The following FRAS1 variants were observed in gnomAD, a reference collection of about 807,000 sequenced individuals.
FRAS1 encodes extracellular matrix organizing protein FRAS1.
Under a neutral mutation model 435.2 loss-of-function variants are expected in FRAS1, and 290 were observed. That is an observed-to-expected ratio of 0.67 (90% CI 0.61 to 0.73). The LOEUF (loss-of-function observed/expected upper bound fraction) is 0.73. Ranked by LOEUF, FRAS1 falls within the 30% of genes least tolerant of loss-of-function variation. The pLI is 0.00. For synonymous variants in FRAS1, 1,800 were observed against 1,851.0 expected, an observed-to-expected ratio of 0.97 and a Z score of 0.71; for missense variants, 4,860 against 5,001.5, an observed-to-expected ratio of 0.97 and a Z score of 0.85.
chr4:78,103,439 G>A (rs531002828), intron 2 of FRAS1, among the ~76,000 whole-genome samples: 1 of 152,280 alleles, frequency 6.6e-6, no homozygotes, highest in African/African-American at 2.4e-5. Context: ...TCAGAGGTGG[G>A]GTGTGGTGGA....
At chr4:78,423,914 G>T (rs1393068990) in intron 34 of FRAS1, among the ~76,000 whole-genome samples, 3 of 152,192 alleles carry the variant, frequency 2.0e-5, no homozygotes, top group African/African-American at 4.8e-5. Context: ...CCTAGAGCCT[G>T]TTCAGAGAGA....
intron 2 of FRAS1, among the ~76,000 whole-genome samples, chr4:78,140,566 C>T (rs867395694): frequency 6.6e-6 from 1 of 151,586 alleles, no homozygotes; most frequent in African/African-American, 2.4e-5. Flanking sequence ...AATCGTGGAA[C>T]CAACCCAAGT....
chr4:78,247,515 T>C (rs2110126815), intron 4 of FRAS1, among the ~76,000 whole-genome samples: 1 of 152,270 alleles, frequency 6.6e-6, no homozygotes, highest in Admixed American at 6.5e-5. Flanking sequence ...GTTTCTTGTC[T>C]TTCTGTCCTT....
chr4:78,211,361 T>G (rs1723493568), intron 2 of FRAS1, among the ~76,000 whole-genome samples: 1 of 152,214 alleles, frequency 6.6e-6, no homozygotes, highest in Admixed American at 6.5e-5. Flanking sequence ...AGAAGTCAAC[T>G]TGTGAAAGTT....
chr4:78,325,094 A>G (rs997585843), intron 18 of FRAS1, among the ~76,000 whole-genome samples: 1 of 152,204 alleles, frequency 6.6e-6, no homozygotes, highest in Non-Finnish European at 1.5e-5. Context: ...TAAACATCCC[A>G]GCAGTCCCAT....
At chr4:78,161,729 C>T in intron 2 of FRAS1, among the ~76,000 whole-genome samples, 1 of 25,142 alleles carries the variant, frequency 4.0e-5, no homozygotes. Context: ...GCAACAAGAG[C>T]AAAACTCTGT....
At chr4:78,061,410 G>T (rs1721247458) in intron 1 of FRAS1, among the ~76,000 whole-genome samples, 1 of 152,188 alleles carries the variant, frequency 6.6e-6, no homozygotes, top group Non-Finnish European at 1.5e-5. Flanking sequence ...CAGTAGATAA[G>T]ACAGTTGCCT....
At chr4:78,480,968 G>A (rs184386789) in intron 56 of FRAS1, among the ~76,000 whole-genome samples, 1 of 152,210 alleles carries the variant, frequency 6.6e-6, no homozygotes, top group African/African-American at 2.4e-5. Context: ...GCAAATGGAG[G>A]CCTGGATAGG....
At chr4:78,133,813 C>T (rs1456953550) in intron 2 of FRAS1, among the ~76,000 whole-genome samples, 1 of 152,128 alleles carries the variant, frequency 6.6e-6, no homozygotes, top group Non-Finnish European at 1.5e-5. Context: ...TAATTTTGCT[C>T]TTTCTTTTAA....
intron 30 of FRAS1, among the ~76,000 whole-genome samples, chr4:78,401,096 A>G (rs1056708250): frequency 1.3e-5 from 2 of 152,252 alleles, no homozygotes; most frequent in Admixed American, 6.5e-5. Context: ...AACACGTTAT[A>G]TGTAACACCT....
intron 47 of FRAS1, among the ~76,000 whole-genome samples, chr4:78,461,716 C>T (rs1719372902): frequency 6.6e-6 from 1 of 152,124 alleles, no homozygotes; most frequent in Admixed American, 6.5e-5. Flanking sequence ...AAGCATACAC[C>T]TAACATATAT....
At chr4:78,347,946 A>G (rs1383356658) in intron 20 of FRAS1, among the ~76,000 whole-genome samples, 6 of 152,148 alleles carry the variant, frequency 3.9e-5, no homozygotes, top group African/African-American at 1.2e-4. Context: ...AGCTAAACTG[A>G]GTAAAACATA....
At chr4:78,199,310 T>C (rs1446025922) in intron 2 of FRAS1, among the ~76,000 whole-genome samples, 1 of 152,226 alleles carries the variant, frequency 6.6e-6, no homozygotes. Context: ...GCTCAAGTGA[T>C]CTTTGTAGCT....
At chr4:78,456,147 T>TCTTTTTC (rs1553962178) in intron 47 of FRAS1, among the ~76,000 whole-genome samples, 2 of 128,548 alleles carry the variant, frequency 1.6e-5, no homozygotes, top group Non-Finnish European at 3.4e-5. Context: ...ACTTTTTTTT[T>TCTTTTTC]TTTTTTTTTT....
chr4:78,400,999 A>G (rs1305991635), intron 30 of FRAS1, 112 bp downstream of exon 30: 22 of 899,308 alleles, frequency 2.4e-5, no homozygotes, highest in Non-Finnish European at 3.7e-5. Flanking sequence ...GAGCTTTCTA[A>G]TACCTTACAA....
At chr4:78,151,371 G>C (rs186636153) in intron 2 of FRAS1, among the ~76,000 whole-genome samples, 1 of 152,122 alleles carries the variant, frequency 6.6e-6, no homozygotes, top group Admixed American at 6.5e-5. Context: ...ATGGTTCTTG[G>C]TCATTGAGAT....
intron 15 of FRAS1, among the ~76,000 whole-genome samples, chr4:78,311,446 C>A (rs967671821): frequency 2.0e-5 from 3 of 152,128 alleles, no homozygotes; most frequent in African/African-American, 7.2e-5. Context: ...CCCTGGTGTG[C>A]CCCCGTCATA....
chr4:78,090,197 C>T (rs1162222798), intron 2 of FRAS1, among the ~76,000 whole-genome samples: 1 of 152,114 alleles, frequency 6.6e-6, no homozygotes, highest in East Asian at 1.9e-4. Flanking sequence ...AGTACTCTAG[C>T]AAAACACACA....
intron 2 of FRAS1, among the ~76,000 whole-genome samples, chr4:78,138,610 T>G (rs1372924222): frequency 6.6e-6 from 1 of 152,188 alleles, no homozygotes; most frequent in African/African-American, 2.4e-5. Context: ...CTTACCATTG[T>G]GTGTTCCTGG....
Sources: allele counts gnomAD v4.1 joint callset (sites outside exome capture counted in the v4.1 genomes callset), GRCh38; gene constraint gnomAD v4.1.1; transcripts MANE v1.5; gene names NCBI Gene and HGNC (gene_info 2026-07-23, HGNC 2026-07-21).